The following PRH1 variants were observed in gnomAD, a reference collection of about 807,000 sequenced individuals.
PRH1 encodes the protein proline rich protein HaeIII subfamily 1, also known as salivary acidic proline-rich phosphoprotein 1/2.
PRH1 carries 7 observed loss-of-function variants against 7.9 expected under a neutral mutation model. The observed-to-expected ratio is 0.89, with a 90% CI of 0.50 to 1.67. The LOEUF is 1.67. Ranked by LOEUF, PRH1 falls within the 40% of genes most tolerant of loss-of-function variation. PRH1 has a pLI of 0.00. For synonymous variants in PRH1, 45 were observed against 80.8 expected, an observed-to-expected ratio of 0.56 and a Z score of 2.38; for missense variants, 109 against 223.6, an observed-to-expected ratio of 0.49 and a Z score of 3.27.
intron 1 of PRH1, among the ~76,000 whole-genome samples, chr12:11,002,989 G>T (rs532051544): frequency 1.3e-5 from 2 of 151,982 alleles, no homozygotes; most frequent in African/African-American, 4.8e-5. Context: ...CCTAATTGCT[G>T]CCAATTTGAA....
downstream of PRH1, among the ~76,000 whole-genome samples, chr12:11,119,449 A>G (rs1369885267): frequency 6.6e-6 from 1 of 152,234 alleles, no homozygotes; most frequent in Non-Finnish European, 1.5e-5. Flanking sequence ...GTAACAAAAA[A>G]GAGTAAATGT....
intron 2 of PRH1, among the ~76,000 whole-genome samples, chr12:10,952,206 TA>T (rs1207531820): frequency 1.3e-5 from 2 of 152,324 alleles, no homozygotes; most frequent in Non-Finnish European, 2.9e-5. Context: ...CACTTTTGAA[TA>T]GATGTAATAG....
intron 1 of PRH1, among the ~76,000 whole-genome samples, chr12:10,979,089 A>G (rs1237207323): frequency 6.6e-6 from 1 of 152,148 alleles, no homozygotes; most frequent in African/African-American, 2.4e-5. Context: ...TACAGACACC[A>G]GGGCCCACTT....
chr12:11,118,850 C>G (rs1945806216), downstream of PRH1, among the ~76,000 whole-genome samples: 1 of 152,044 alleles, frequency 6.6e-6, no homozygotes, highest in Non-Finnish European at 1.5e-5. Context: ...AAAAAATTAG[C>G]TGGGCGTGGT....
At chr12:10,895,431 T>C (rs541510746) in intron 2 of PRH1, 16 of 152,334 alleles carry the variant, frequency 1.1e-4, no homozygotes, top group African/African-American at 3.8e-4. Flanking sequence ...CTATTAATTA[T>C]TATTTCCTTC....
chr12:10,948,203 G>A (rs1950517198), intron 2 of PRH1, among the ~76,000 whole-genome samples: 5 of 152,184 alleles, frequency 3.3e-5, no homozygotes, highest in Admixed American at 3.3e-4. Context: ...GTTCATGAAT[G>A]ATATTCTGAA....
At chr12:10,931,081 G>A (rs375154319) in intron 2 of PRH1, 2 of 1,561,550 alleles carry the variant, frequency 1.3e-6, no homozygotes, top group African/African-American at 2.7e-5. Context: ...TCAATGATAG[G>A]TATGATTCCA....
chr12:11,042,286 C>T (rs1001586819), intron 1 of PRH1, among the ~76,000 whole-genome samples: 1 of 151,744 alleles, frequency 6.6e-6, no homozygotes, highest in African/African-American at 2.4e-5. Flanking sequence ...GGAGATATTA[C>T]AACTGATACA....
intron 1 of PRH1, among the ~76,000 whole-genome samples, chr12:10,993,482 A>T (rs1269451715): frequency 6.6e-6 from 1 of 152,218 alleles, no homozygotes; most frequent in South Asian, 2.1e-4. Flanking sequence ...ATGAACAAGA[A>T]GATTCAGTGA....
intron 2 of PRH1, among the ~76,000 whole-genome samples, chr12:10,889,299 G>A (rs1949537904): frequency 6.6e-6 from 1 of 152,058 alleles, no homozygotes; most frequent in Admixed American, 6.5e-5. Context: ...TAAACATCTG[G>A]TAGACCATTT....
intron 1 of PRH1, among the ~76,000 whole-genome samples, chr12:10,977,766 C>T (rs1939170924): frequency 6.6e-6 from 1 of 152,082 alleles, no homozygotes; most frequent in Admixed American, 6.6e-5. Flanking sequence ...ATATCAACAA[C>T]ATCCAAACAG....
intron 1 of PRH1, among the ~76,000 whole-genome samples, chr12:11,163,627 T>C (rs1161520048): frequency 6.6e-6 from 1 of 152,218 alleles, no homozygotes; most frequent in African/African-American, 2.4e-5. Context: ...AAAAAAGAAG[T>C]AAGAATATAA....
At chr12:10,903,702 G>T (rs1949756309) in intron 2 of PRH1, among the ~76,000 whole-genome samples, 1 of 151,156 alleles carries the variant, frequency 6.6e-6, no homozygotes, top group East Asian at 1.9e-4. Flanking sequence ...AAAAAAAAAG[G>T]CATCCAAATA....
intron 1 of PRH1, among the ~76,000 whole-genome samples, chr12:10,994,943 T>C (rs1291181293): frequency 6.6e-6 from 1 of 152,212 alleles, no homozygotes; most frequent in Non-Finnish European, 1.5e-5. Flanking sequence ...ATAAATGCCA[T>C]CTTTTTATTT....
chr12:11,113,667 T>C (rs1407157221), intron 1 of PRH1, among the ~76,000 whole-genome samples: 1 of 152,178 alleles, frequency 6.6e-6, no homozygotes, highest in South Asian at 2.1e-4. Context: ...AAAGACTTCA[T>C]GACTGAAACA....
intron 1 of PRH1, among the ~76,000 whole-genome samples, chr12:11,039,057 C>A (rs1316406709): frequency 1.5e-4 from 23 of 152,074 alleles, no homozygotes; most frequent in African/African-American, 5.6e-4. Flanking sequence ...GATTGTTGAA[C>A]AACTCTTAAA....
chr12:11,000,725 T>A (rs1209990398), intron 1 of PRH1, among the ~76,000 whole-genome samples: 1 of 152,148 alleles, frequency 6.6e-6, no homozygotes, highest in East Asian at 1.9e-4. Context: ...ATGCCTCTTA[T>A]CCTCTTAGCT....
intron 1 of PRH1, among the ~76,000 whole-genome samples, chr12:11,114,140 C>T (rs539283752): frequency 6.6e-6 from 1 of 152,224 alleles, no homozygotes; most frequent in South Asian, 2.1e-4. Context: ...TTTGACCCAG[C>T]AATCCCATTA....
chr12:11,164,988 C>A (rs1219172783), intron 1 of PRH1, among the ~76,000 whole-genome samples: 1 of 152,058 alleles, frequency 6.6e-6, no homozygotes, highest in Non-Finnish European at 1.5e-5. Context: ...CTATATTTTT[C>A]TCTTTGTAGA....
Sources: allele counts gnomAD v4.1 joint callset (sites outside exome capture counted in the v4.1 genomes callset), GRCh38; gene constraint gnomAD v4.1.1; transcripts MANE v1.5; gene names NCBI Gene and HGNC (gene_info 2026-07-23, HGNC 2026-07-21).